The following FER1L6 variants were observed in gnomAD, a reference collection of about 807,000 sequenced individuals.
The protein encoded by FER1L6 is fer-1-like protein 6.
In FER1L6, 177 loss-of-function variants were observed where a neutral mutation model predicts 219.2. The ratio of observed to expected loss-of-function variants is 0.81; its 90% CI spans 0.71 to 0.91. The LOEUF (loss-of-function observed/expected upper bound fraction) is 0.91. Among genes scored for constraint, FER1L6 ranks in the 40% least tolerant of loss-of-function variants. The pLI is 0.00. For synonymous variants in FER1L6, 768 were observed against 824.3 expected, an observed-to-expected ratio of 0.93 and a Z score of 1.17; for missense variants, 2,153 against 2,259.9, an observed-to-expected ratio of 0.95 and a Z score of 0.96.
intron 39 of FER1L6, among the ~76,000 whole-genome samples, chr8:124,107,179 A>G (rs967115628): frequency 6.6e-6 from 1 of 151,912 alleles, no homozygotes; most frequent in East Asian, 1.9e-4. Context: ...CGATCTCCTG[A>G]CCTTGTGATC....
chr8:123,996,032 T>C (rs1346862893), intron 12 of FER1L6, among the ~76,000 whole-genome samples: 2 of 152,204 alleles, frequency 1.3e-5, no homozygotes, highest in East Asian at 3.8e-4. Flanking sequence ...CTTGATATAA[T>C]TTTAATTGTT....
Position 124,101,131 on chromosome 8 carries a change from A to C in FER1L6, c.4918A>C (p.Thr1640Pro). 1.2e-6 allele frequency: 2 copies of C among 1,613,724 alleles called. No individual in the cohort carries two copies. Among genetic ancestry groups the C allele is most frequent in the Non-Finnish European group, 1.7e-6 (2 of 1,179,838 alleles). The change falls in exon 38 of 41, where the codon ACA becomes CCA. Residue 1640 changes from threonine (T) to proline (P), a missense_variant. Transcript: ENST00000522917. Reference sequence around the variant, plus strand: ...GGGCTTGGAGGATGACAAGCAGGAGACAGATGTGCATTACAACTCCCTGAC... The same window carrying C: ...GGGCTTGGAGGATGACAAGCAGGAGCCAGATGTGCATTACAACTCCCTGAC... ...LKGLEDDKQETDVHYNSLTGE... is the reference protein window; with the variant it reads ...LKGLEDDKQEPDVHYNSLTGE...
At chr8:123,915,611 C>T (rs550215665) in intron 1 of FER1L6, among the ~76,000 whole-genome samples, 18 of 152,226 alleles carry the variant, frequency 1.2e-4, no homozygotes, top group Non-Finnish European at 1.9e-4. Flanking sequence ...ATGGACCAGA[C>T]GAGATCCCTC....
In FER1L6 at chr8:124,060,650, G is replaced by A. The variant is rs138376786; in HGVS notation, c.3088G>A (p.Val1030Met). ...CGGAGGACAAGGTGTGAAGTCCTGC[G>A]TGATCCAGAGCTACAAGAACAACCC... The part of the protein sequence containing the change: ...ECGGQGVKSC[V>M]IQSYKNNPNF... The change falls in exon 24 of 41, where the codon GTG (valine) becomes ATG (methionine). Residue 1030 changes from valine to methionine, a missense_variant. Coordinates refer to ENST00000522917, the MANE Select transcript of FER1L6 (RefSeq NM_001039112.2). 3,017 of 1,614,130 alleles carry A rather than the reference G, an allele frequency of 1.9e-3. 4 individuals are homozygous for A. The highest frequency in any genetic ancestry group is 4.5e-3 in the South Asian group (413 of 91,078).
At chr8:123,999,717 G>A (rs183277124) in intron 12 of FER1L6, among the ~76,000 whole-genome samples, 1 of 152,222 alleles carries the variant, frequency 6.6e-6, no homozygotes, top group East Asian at 1.9e-4. Context: ...GTGGGCTAGG[G>A]CCTGAAATGT....
chr8:123,881,058 G>A (rs1355819722), intron 1 of FER1L6, among the ~76,000 whole-genome samples: 2 of 152,106 alleles, frequency 1.3e-5, no homozygotes, highest in East Asian at 3.9e-4. Context: ...CATGTGCAAT[G>A]GTGACTGTTC....
intron 1 of FER1L6, among the ~76,000 whole-genome samples, chr8:123,944,862 G>A (rs1275953867): frequency 2.0e-5 from 3 of 152,152 alleles, no homozygotes; most frequent in African/African-American, 4.8e-5. Flanking sequence ...TGTAGGCACA[G>A]TTTATCTACT....
At chr8:123,932,940 A>G (rs4587311) in intron 1 of FER1L6, among the ~76,000 whole-genome samples, 30,537 of 152,144 alleles carry the variant, frequency 0.2, 3,875 homozygotes, top group East Asian at 0.44. Flanking sequence ...TCAACTATCA[A>G]AGAACAGGAT....
At chr8:124,085,345 T>C (rs1039740168) in intron 33 of FER1L6, among the ~76,000 whole-genome samples, 6 of 152,140 alleles carry the variant, frequency 3.9e-5, no homozygotes, top group African/African-American at 1.4e-4. Flanking sequence ...TCTACTTTTT[T>C]GATGTGGGTG....
chr8:123,864,387 C>T (rs1393142201), intron 1 of FER1L6, among the ~76,000 whole-genome samples: 1 of 149,864 alleles, frequency 6.7e-6, no homozygotes, highest in Non-Finnish European at 1.5e-5. Flanking sequence ...GGTAACCCGA[C>T]CTTTCTCTCT....
At chr8:123,948,613 A>G (rs1021663102) in intron 1 of FER1L6, among the ~76,000 whole-genome samples, 1 of 151,992 alleles carries the variant, frequency 6.6e-6, no homozygotes, top group Non-Finnish European at 1.5e-5. Flanking sequence ...ATTTTAATTT[A>G]TGATTCTTTG....
chr8:124,091,778 C>G (rs2130946844), intron 34 of FER1L6, among the ~76,000 whole-genome samples, 195 bp downstream of exon 34: 1 of 152,022 alleles, frequency 6.6e-6, no homozygotes, highest in Middle Eastern at 3.4e-3. Flanking sequence ...AGCAGCCTGG[C>G]CAACATGGTG....
At chr8:124,083,702 G>A (rs1470859178) in intron 33 of FER1L6, among the ~76,000 whole-genome samples, 2 of 152,084 alleles carry the variant, frequency 1.3e-5, no homozygotes, top group Admixed American at 1.3e-4. Flanking sequence ...GTCAGGTAAT[G>A]TGATTCCTCC....
intron 35 of FER1L6, 57 bp downstream of exon 35, chr8:124,095,095 G>A (rs1177766138): frequency 6.3e-7 from 1 of 1,594,410 alleles, no homozygotes; most frequent in African/African-American, 1.3e-5. Flanking sequence ...GTAGAGTAAT[G>A]GTTTTCATCC....
At chr8:123,942,356 G>A (rs1011566377) in intron 1 of FER1L6, among the ~76,000 whole-genome samples, 1 of 152,222 alleles carries the variant, frequency 6.6e-6, no homozygotes, top group Non-Finnish European at 1.5e-5. Flanking sequence ...GTGCACAATG[G>A]AGAGGGCCCA....
chr8:124,012,854 C>A (rs979442585), intron 14 of FER1L6, among the ~76,000 whole-genome samples: 16 of 152,238 alleles, frequency 1.1e-4, no homozygotes, highest in African/African-American at 3.9e-4. Flanking sequence ...GTGCCATTTT[C>A]CTCCAGGCCA....
intron 18 of FER1L6, among the ~76,000 whole-genome samples, chr8:124,027,289 A>G (rs1818750329): frequency 6.6e-6 from 1 of 152,228 alleles, no homozygotes; most frequent in South Asian, 2.1e-4. Flanking sequence ...TACTAGTTGT[A>G]TGACCTTGGG....
intron 1 of FER1L6, among the ~76,000 whole-genome samples, chr8:123,902,799 G>T (rs1251425966): frequency 6.6e-6 from 1 of 152,166 alleles, no homozygotes; most frequent in East Asian, 1.9e-4. Context: ...GTATTGAAAT[G>T]TGAGGTACTC....
In FER1L6 at chr8:124,111,932, A is replaced by G. The variant is rs1195979266; in HGVS notation, c.5290-6912A>G. ...TGTACCCAGCTCCTATTCAAGATGGAGTTGCTCTGGTTCAAATGCCTCTGA... is the reference window on the plus strand; with the variant it reads ...TGTACCCAGCTCCTATTCAAGATGGGGTTGCTCTGGTTCAAATGCCTCTGA... On this transcript the variant is annotated intron_variant, in intron 39 of 40. Coordinates refer to ENST00000522917, the MANE Select transcript of FER1L6 (RefSeq NM_001039112.2). This position sits in a 1 kb window ranked among gnomAD's most constrained non-coding sequence, Gnocchi z 5.0. Among the ~76,000 whole-genome samples the G allele has an allele frequency of 1.3e-5, 2 of 152,150 alleles. No homozygotes were observed. The highest frequency in any genetic ancestry group is 2.9e-5 in the Non-Finnish European group (2 of 68,020).
Sources: gnomAD v4.1 joint callset for allele counts (sites outside exome capture counted in the v4.1 genomes callset) on GRCh38, gnomAD v4.1.1 for gene constraint, Gnocchi (gnomAD v3.1) non-coding constraint, MANE v1.5 for transcripts, NCBI Gene and HGNC (gene_info 2026-07-23, HGNC 2026-07-21) for gene names.